Variants in FHAD1 observed in about 807,000 individuals in gnomAD.
The protein encoded by FHAD1 is forkhead-associated domain-containing protein 1.
In FHAD1, 146 loss-of-function variants were observed where a neutral mutation model predicts 191.3. That is an observed-to-expected ratio of 0.76 (90% confidence interval 0.67 to 0.88). The LOEUF is 0.88. Ranked by LOEUF, FHAD1 falls within the 40% of genes least tolerant of loss-of-function variation. The pLI, the probability that FHAD1 is intolerant of heterozygous loss-of-function variation, is 0.00. For synonymous variants in FHAD1, 616 were observed against 672.3 expected, an observed-to-expected ratio of 0.92 and a Z score of 1.29; for missense variants, 1,635 against 1,785.8, an observed-to-expected ratio of 0.92 and a Z score of 1.52.
upstream of FHAD1, among the ~76,000 whole-genome samples, chr1:15,246,027 G>T (rs997686016): frequency 2.0e-5 from 3 of 152,186 alleles, no homozygotes; most frequent in Non-Finnish European, 4.4e-5. Context: ...ACAAAGAAAA[G>T]AAGTTTAATT....
chr1:15,341,938 C>G (rs1384559624), intron 16 of FHAD1, 50 bp downstream of exon 16: 4 of 1,507,176 alleles, frequency 2.7e-6, no homozygotes, highest in Non-Finnish European at 3.6e-6. Flanking sequence ...GATGAAATGG[C>G]CTTTTCTATG....
chr1:15,336,807 CTG>C (rs1268775095), intron 14 of FHAD1, among the ~76,000 whole-genome samples: 2 of 152,294 alleles, frequency 1.3e-5, no homozygotes, highest in Admixed American at 6.5e-5. Context: ...CTCTCGGGGA[CTG>C]TGTCTCTGAC....
rs1356397922 is a variant in FHAD1 at position 15,381,906 on chromosome 1, T to C, written c.4023-122T>C. The C allele has an allele frequency of 9.4e-7, 1 of 1,061,684 alleles. No individual in the cohort carries two copies. The highest frequency in any genetic ancestry group is 1.6e-5 in the African/African-American group (1 of 61,506). 65.8% of individuals were successfully genotyped at this position (1,061,684 alleles called of 1,614,324 possible). A position where few individuals can be genotyped will look rare whatever the true frequency, so the allele number is the denominator to read the frequency against. On this transcript the variant is annotated intron_variant, in intron 30 of 33. Coordinates refer to ENST00000688493, the MANE Select transcript of FHAD1 (RefSeq NM_001391957.1). The surrounding 1 kb of genome is among the most constrained non-coding windows in gnomAD (Gnocchi z 4.6). Reference sequence around the variant, plus strand: ...AATCTTCGTCATGCTCTCCTGCTTGTGATGACACTCCTGAGTGAGCCCCCA... The same window carrying C: ...AATCTTCGTCATGCTCTCCTGCTTGCGATGACACTCCTGAGTGAGCCCCCA...
chr1:15,350,007 G>A (rs12033496), intron 19 of FHAD1, among the ~76,000 whole-genome samples: 58,351 of 152,170 alleles, frequency 0.38, 11,830 homozygotes, highest in Non-Finnish European at 0.46. Context: ...TCCATGAGCT[G>A]GGCTTCGGGG....
rs1013117252 is a variant in FHAD1 at position 15,253,765 on chromosome 1, A to T, written c.93+1888A>T. 6.6e-5 allele frequency among the ~76,000 whole-genome samples: 10 copies of T among 152,266 alleles called. No homozygotes were observed. The East Asian group carries it at 1.9e-3, about 29-fold the overall frequency. ...GCAAATTAAAAGTTTATTTTTACTT[A>T]TTTGATCTGTACACTTTTAATTTTA... On this transcript the variant is annotated intron_variant, in intron 2 of 33. Transcript: ENST00000688493.
At position 15,381,485 on chromosome 1, in the gene FHAD1, C is replaced by T. The variant is rs1187909189; in HGVS notation, c.4022+34C>T. ...GCACCCCCATGTCCCCACAGAAAGG[C>T]CCGGGCCTCCCTTCTCCTGGCTAAA... On this transcript the variant is annotated intron_variant, in intron 30 of 33. Transcript: ENST00000688493. This position sits in a 1 kb window ranked among gnomAD's most constrained non-coding sequence, Gnocchi z 4.6. 1 of 1,496,072 alleles carries T rather than the reference C, an allele frequency of 6.7e-7. No individual in the cohort carries two copies. The highest frequency in any genetic ancestry group is 1.2e-5 in the South Asian group (1 of 82,574). 92.7% of individuals were successfully genotyped at this position (1,496,072 alleles called of 1,614,324 possible). A position where few individuals can be genotyped will look rare whatever the true frequency, so the allele number is the denominator to read the frequency against.
intron 4 of FHAD1, among the ~76,000 whole-genome samples, chr1:15,295,212 G>A (rs7547507): frequency 3.3e-5 from 5 of 151,884 alleles, no homozygotes; most frequent in South Asian, 2.1e-4. Flanking sequence ...TTGACATCCC[G>A]GTGCCTCAGT....
chr1:15,250,956 G>A (rs1459386077), intron 1 of FHAD1, among the ~76,000 whole-genome samples: 1 of 152,176 alleles, frequency 6.6e-6, no homozygotes, highest in Non-Finnish European at 1.5e-5. Flanking sequence ...TTCAGTGTGT[G>A]CCAGGCACCA....
intron 17 of FHAD1, 107 bp from the exon 18 acceptor site, chr1:15,345,309 C>G (rs1688439315): frequency 1.5e-6 from 2 of 1,342,934 alleles, no homozygotes; most frequent in Non-Finnish European, 2.1e-6. Context: ...TCCACAGTCC[C>G]CTAGGGAGGT....
intron 4 of FHAD1, among the ~76,000 whole-genome samples, chr1:15,293,831 T>C (rs1665961352): frequency 1.3e-5 from 2 of 152,152 alleles, no homozygotes; most frequent in Non-Finnish European, 2.9e-5. Flanking sequence ...TAGACACAGA[T>C]GCTGTTTCTT....
intron 16 of FHAD1, among the ~76,000 whole-genome samples, 199 bp downstream of exon 16, chr1:15,342,087 A>G (rs1483962159): frequency 3.3e-5 from 5 of 152,260 alleles, no homozygotes; most frequent in Admixed American, 1.3e-4. Flanking sequence ...AGCAAAATCA[A>G]CTTGAAAAGG....
chr1:15,299,013 AAAAC>A (rs1421227590), intron 5 of FHAD1, among the ~76,000 whole-genome samples: 57 of 137,314 alleles, frequency 4.2e-4, no homozygotes, highest in African/African-American at 1.9e-3. Context: ...TGCAAAAAAA[AAAAC>A]AAAAACAAAA....
intron 28 of FHAD1, among the ~76,000 whole-genome samples, chr1:15,376,093 TTTTATTTA>T (rs745342443): frequency 2.3e-5 from 3 of 128,516 alleles, no homozygotes; most frequent in African/African-American, 6.5e-5. Context: ...TTATTTATTT[TTTTATTTA>T]TTTTTTGAGA....
At chr1:15,324,665 C>CGT (rs1247738733) in intron 11 of FHAD1, 106 bp downstream of exon 11, 1 of 773,026 alleles carries the variant, frequency 1.3e-6, no homozygotes, top group African/African-American at 1.7e-5. Context: ...GAAAGACAGA[C>CGT]GTGCGTTAAT....
Position 15,276,663 on chromosome 1 carries a change from G to A in FHAD1, c.300+4134G>A, listed in dbSNP as rs575872207. ...CCAAAACACAAAAAATTAGCCAGGC[G>A]TGGTGGCACATACCTATAGTCCCAG... is the stretch of plus-strand genomic sequence containing the variant. On this transcript the variant is annotated intron_variant, in intron 3 of 33. Coordinates refer to ENST00000688493, the MANE Select transcript of FHAD1 (RefSeq NM_001391957.1). The surrounding 1 kb of genome is among the most constrained non-coding windows in gnomAD (Gnocchi z 4.7). Among the ~76,000 whole-genome samples, 19 of 152,202 alleles carry A rather than the reference G, an allele frequency of 1.2e-4. No homozygotes were observed. The highest frequency in any genetic ancestry group is 3.9e-4 in the East Asian group (2 of 5,170).
At chr1:15,240,659 A>T (rs1206767453) in intron 1 of FHAD1, among the ~76,000 whole-genome samples, 1 of 150,366 alleles carries the variant, frequency 6.7e-6, no homozygotes, top group Non-Finnish European at 1.5e-5. Context: ...AAAGAAAAAG[A>T]AAAAAGAAAG....
At chr1:15,359,378 G>A (rs935144290) in intron 21 of FHAD1, among the ~76,000 whole-genome samples, 1 of 152,122 alleles carries the variant, frequency 6.6e-6, no homozygotes, top group Non-Finnish European at 1.5e-5. Flanking sequence ...CAGAGGCCAA[G>A]GCCCAGCACG....
chr1:15,263,705 T>C (rs1652163485), intron 2 of FHAD1, among the ~76,000 whole-genome samples: 2 of 152,132 alleles, frequency 1.3e-5, no homozygotes, highest in South Asian at 4.2e-4. Context: ...GTATTTTTAG[T>C]AGAGGCGGGG....
intron 6 of FHAD1, among the ~76,000 whole-genome samples, chr1:15,301,729 G>T (rs1668845009): frequency 6.6e-6 from 1 of 152,192 alleles, no homozygotes; most frequent in Non-Finnish European, 1.5e-5. Context: ...ACAGATGAAG[G>T]GTCTAAGGCA....
Sources: allele counts gnomAD v4.1 joint callset (sites outside exome capture counted in the v4.1 genomes callset), GRCh38; gene constraint gnomAD v4.1.1; non-coding constraint Gnocchi (gnomAD v3.1); transcripts MANE v1.5; gene names NCBI Gene and HGNC (gene_info 2026-07-23, HGNC 2026-07-21).